The following DSC3 variants were observed in gnomAD, a reference collection of about 807,000 sequenced individuals.
The protein encoded by DSC3 is desmocollin 3.
DSC3 carries 97 observed loss-of-function variants against 89.5 expected under a neutral mutation model. The observed-to-expected ratio is 1.08, with a 90% confidence interval of 0.92 to 1.28. DSC3 has a LOEUF of 1.28. Among genes scored for constraint, DSC3 ranks in the 50% most tolerant of loss-of-function variants. DSC3 has a pLI of 0.00. For synonymous variants in DSC3, 436 were observed against 384.1 expected, an observed-to-expected ratio of 1.14 and a Z score of -1.58; for missense variants, 1,199 against 1,085.3, an observed-to-expected ratio of 1.10 and a Z score of -1.47.
rs568522074 is a variant in DSC3, at chr18:31,016,279, C to T, written c.1263+1792G>A. Among the ~76,000 whole-genome samples, 10 of 152,298 alleles carry T rather than the reference C, an allele frequency of 6.6e-5. No individual in the cohort carries two copies. The South Asian group carries it at 2.1e-3, about 32-fold the overall frequency. ...CTCTGTCTGTGAAGCCACCATTTTC[C>T]TTTGTCTGTTGCTCTAATAAGCTTG... On this transcript the variant is annotated intron_variant, in intron 9 of 15. Coordinates refer to ENST00000360428, the MANE Select transcript of DSC3 (RefSeq NM_001941.5).
intron 4 of DSC3, 133 bp from the exon 5 acceptor site, chr18:31,026,048 C>T: frequency 1.1e-6 from 1 of 920,354 alleles, no homozygotes; most frequent in South Asian, 1.7e-5. Context: ...ACAATAATAA[C>T]CATTGTTGGC....
In DSC3 at chr18:31,042,672, G is replaced by A. The variant is rs898289237; in HGVS notation, c.-12C>T. On this transcript the variant is annotated 5_prime_UTR_variant, in exon 1 of 16. Coordinates refer to ENST00000360428, the MANE Select transcript of DSC3 (RefSeq NM_001941.5). ...CCAGCGGCGGCCATCGGGATGCCGG[G>A]CAGGGCCAGGAGAACGCGGGCGCCG... is the stretch of plus-strand genomic sequence containing the variant. 55 of 1,548,416 alleles carry A rather than the reference G, an allele frequency of 3.6e-5. No individual in the cohort carries two copies. Among genetic ancestry groups the A allele is most frequent in the Non-Finnish European group, 4.6e-5 (53 of 1,145,866 alleles).
chr18:30,999,254 AC>A (rs1984574526), intron 14 of DSC3, among the ~76,000 whole-genome samples: 2 of 152,154 alleles, frequency 1.3e-5, no homozygotes, highest in African/African-American at 4.8e-5. Flanking sequence ...GCAGTCTTTA[AC>A]TAAATTGAAA....
At chr18:31,026,041 A>ATGGT in intron 4 of DSC3, 126 bp from the exon 5 acceptor site, 1 of 977,084 alleles carries the variant, frequency 1.0e-6, no homozygotes. Flanking sequence ...GAAAAGAACA[A>ATGGT]TAATAACCAT....
chr18:31,012,164 T>C (rs957166502), intron 9 of DSC3, among the ~76,000 whole-genome samples: 4 of 152,092 alleles, frequency 2.6e-5, no homozygotes, highest in African/African-American at 9.7e-5. Context: ...CAAATTTTAT[T>C]AATCAAAATG....
intron 7 of DSC3, 54 bp downstream of exon 7, chr18:31,022,282 G>A (rs552423354): frequency 6.0e-5 from 96 of 1,600,940 alleles, no homozygotes; most frequent in South Asian, 3.9e-4. Context: ...TAATAAATGG[G>A]GGAGGGAAGC....
At chr18:31,026,839 G>A (rs1985614865) in intron 4 of DSC3, among the ~76,000 whole-genome samples, 2 of 152,102 alleles carry the variant, frequency 1.3e-5, no homozygotes, top group African/African-American at 4.8e-5. Context: ...AAAATGATAT[G>A]TGCAAAATCC....
rs1051054672 is a variant in DSC3 at position 30,991,146 on chromosome 18, C to T, written c.*3029G>A. The stretch of plus-strand genomic sequence containing the variant: ...TCCAATTTTTGCTTATTTTAAGCAG[C>T]CAAGTTTCTTTAAAAGCAAAGTAAC... On this transcript the variant is annotated 3_prime_UTR_variant, in exon 16 of 16. Transcript: ENST00000360428. The T allele has an allele frequency of 6.6e-6, 1 of 152,532 alleles. No homozygotes were observed. Among genetic ancestry groups the T allele is most frequent in the African/African-American group, 2.4e-5 (1 of 41,418 alleles). 9.4% of individuals were successfully genotyped at this position (152,532 alleles called of 1,614,324 possible).
At chr18:31,011,146 C>T (rs1444076069) in intron 9 of DSC3, among the ~76,000 whole-genome samples, 1 of 152,190 alleles carries the variant, frequency 6.6e-6, no homozygotes, top group Non-Finnish European at 1.5e-5. Flanking sequence ...TCTGTCTACA[C>T]TACATCCTAG....
chr18:31,035,940 C>T (rs1985955156), intron 1 of DSC3, among the ~76,000 whole-genome samples: 2 of 152,004 alleles, frequency 1.3e-5, no homozygotes, highest in Non-Finnish European at 2.9e-5. Flanking sequence ...TATATGCATC[C>T]TTTTGCAGTT....
At chr18:31,007,575 T>G (rs1483870538) in intron 11 of DSC3, among the ~76,000 whole-genome samples, 1 of 152,144 alleles carries the variant, frequency 6.6e-6, no homozygotes, top group Non-Finnish European at 1.5e-5. Context: ...ATCTACAGAT[T>G]AATATTTTTA....
At chr18:31,041,686 G>A (rs1424925268) in intron 1 of DSC3, among the ~76,000 whole-genome samples, 2 of 152,216 alleles carry the variant, frequency 1.3e-5, no homozygotes, top group African/African-American at 4.8e-5. Context: ...TAACCGCGCC[G>A]CCAGAGTTCC....
At chr18:31,004,007 G>T in intron 13 of DSC3, 135 bp downstream of exon 13, 1 of 666,806 alleles carries the variant, frequency 1.5e-6, no homozygotes, top group South Asian at 1.9e-5. Flanking sequence ...ACACAACTCA[G>T]GTAATAATAC....
chr18:31,004,449 G>T, intron 12 of DSC3, 83 bp from the exon 13 acceptor site: 1 of 1,301,474 alleles, frequency 7.7e-7, no homozygotes, highest in Non-Finnish European at 1.1e-6. Context: ...TGTTTTTGAA[G>T]GCGTCATTCT....
rs1247599819 is a variant in DSC3, at chr18:31,018,054, A to G, written c.1263+17T>C. ...AACCTGTTAATTTGCTAAGTTGTCA[A>G]TTATACATTACTGTACCTTTACAAC... is the stretch of plus-strand genomic sequence containing the variant. On this transcript the variant is annotated intron_variant, in intron 9 of 15. Transcript: ENST00000360428. The G allele has an allele frequency of 1.1e-5, 18 of 1,604,804 alleles. No individual in the cohort carries two copies. The highest frequency in any genetic ancestry group is 3.4e-5 in the Admixed American group (2 of 59,556).
chr18:31,033,016 T>C (rs1008476309), intron 1 of DSC3, among the ~76,000 whole-genome samples: 2 of 152,186 alleles, frequency 1.3e-5, no homozygotes, highest in African/African-American at 4.8e-5. Context: ...ACTGCATTTC[T>C]GTACACTAGC....
At chr18:31,026,390 T>C (rs542035873) in intron 4 of DSC3, among the ~76,000 whole-genome samples, 16 of 152,184 alleles carry the variant, frequency 1.1e-4, no homozygotes, top group South Asian at 8.3e-4. Context: ...CTGGAGAATT[T>C]AGACAAGGGT....
intron 13 of DSC3, among the ~76,000 whole-genome samples, chr18:31,002,117 A>C (rs1598600489): frequency 6.6e-6 from 1 of 152,234 alleles, no homozygotes; most frequent in Non-Finnish European, 1.5e-5. Context: ...AATTGTGTAC[A>C]TAAAAACATG....
rs1361168140 is a variant in DSC3 at position 31,031,074 on chromosome 18, C to T, written c.253G>A (p.Val85Ile). 6.2e-7 allele frequency: 1 copy of T among 1,614,070 alleles called. No homozygotes were observed. The highest frequency in any genetic ancestry group is 1.1e-5 in the South Asian group (1 of 91,082). ...GATCTTTTCTTATCAGACAGCGCAA[C>T]AGCCCTGGCTGTGTACACTGACCCA... ...NDGSVYTARA[V>I]ALSDKKRSFT... The change falls in exon 3 of 16, where the codon GTT (valine) becomes ATT (isoleucine). Residue 85 changes from valine to isoleucine, a missense_variant. By Grantham distance (29) the Val-to-Ile change is conservative (BLOSUM62 3). Coordinates refer to ENST00000360428, the MANE Select transcript of DSC3 (RefSeq NM_001941.5).
Sources: allele counts gnomAD v4.1 joint callset (sites outside exome capture counted in the v4.1 genomes callset), GRCh38; gene constraint gnomAD v4.1.1; transcripts MANE v1.5; gene names NCBI Gene and HGNC (gene_info 2026-07-23, HGNC 2026-07-21).